Variants in TASP1 observed in about 807,000 individuals in gnomAD.
TASP1 encodes the protein taspase 1.
TASP1 carries 16 observed loss-of-function variants against 56.6 expected under a neutral mutation model. The observed-to-expected ratio is 0.28, with a 90% CI of 0.19 to 0.43. TASP1 has a LOEUF of 0.43. TASP1 is among the 20% of genes least tolerant of loss of function. The pLI is 1.00. For synonymous variants in TASP1, 179 were observed against 184.2 expected, an observed-to-expected ratio of 0.97 and a Z score of 0.23; for missense variants, 393 against 511.6, an observed-to-expected ratio of 0.77 and a Z score of 2.24.
At chr20:13,306,564 C>CAAAAAAAAAAAAAAAAAAAAGAAAAA in the TASP1 span, among the ~76,000 whole-genome samples, 4 of 63,914 alleles carry the variant, frequency 6.3e-5, no homozygotes, top group Admixed American at 2.2e-4. Flanking sequence ...GGAGAAAGGA[C>CAAAAAAAAAAAAAAAAAAAAGAAAAA]AAAAAAAAAA....
chr20:13,158,787 C>T, the TASP1 span, among the ~76,000 whole-genome samples: 1 of 152,148 alleles, frequency 6.6e-6, no homozygotes, highest in Non-Finnish European at 1.5e-5. Context: ...CATCTGATAA[C>T]CTATGTTCTA....
chr20:13,243,892 A>G, the TASP1 span, among the ~76,000 whole-genome samples: 1 of 152,162 alleles, frequency 6.6e-6, no homozygotes, highest in Admixed American at 6.5e-5. Context: ...CCTGAAATAG[A>G]TATTTGAAGG....
chr20:13,440,621 T>C (rs2146227972), intron 11 of TASP1, among the ~76,000 whole-genome samples: 1 of 151,862 alleles, frequency 6.6e-6, no homozygotes, highest in Admixed American at 6.6e-5. Flanking sequence ...CACAGTATAC[T>C]ATGTAGTTAG....
the TASP1 span, among the ~76,000 whole-genome samples, chr20:13,127,676 C>G: frequency 3.3e-5 from 5 of 152,256 alleles, no homozygotes; most frequent in African/African-American, 1.2e-4. Context: ...CATACTGATA[C>G]CCCCTGGGGC....
At chr20:13,471,075 C>G (rs548841621) in intron 11 of TASP1, among the ~76,000 whole-genome samples, 1 of 152,062 alleles carries the variant, frequency 6.6e-6, no homozygotes, top group Non-Finnish European at 1.5e-5. Flanking sequence ...AGAGTTTATG[C>G]CCTGCTTAAG....
intron 4 of TASP1, among the ~76,000 whole-genome samples, chr20:13,603,768 T>A (rs1226868991): frequency 6.6e-6 from 1 of 152,206 alleles, no homozygotes; most frequent in Non-Finnish European, 1.5e-5. Flanking sequence ...AAAATGTCTC[T>A]TATTGATCAA....
intron 13 of TASP1, among the ~76,000 whole-genome samples, chr20:13,416,415 A>C (rs2042256514): frequency 6.6e-6 from 1 of 152,206 alleles, no homozygotes; most frequent in Admixed American, 6.5e-5. Flanking sequence ...TTCACAATAT[A>C]AGTCAATCCT....
At chr20:13,361,399 C>T in the TASP1 span, among the ~76,000 whole-genome samples, 1 of 152,100 alleles carries the variant, frequency 6.6e-6, no homozygotes, top group Non-Finnish European at 1.5e-5. Context: ...TTTTCAGGCT[C>T]TTAGTTTTCA....
the TASP1 span, among the ~76,000 whole-genome samples, chr20:13,119,639 C>G: frequency 1.1e-3 from 170 of 152,282 alleles, no homozygotes; most frequent in Non-Finnish European, 2.0e-3. Context: ...CCTTTTTCCT[C>G]CCCACCTTTC....
At chr20:13,569,460 A>C in intron 7 of TASP1, 47 bp downstream of exon 7, 1 of 1,394,402 alleles carries the variant, frequency 7.2e-7, no homozygotes, top group East Asian at 2.3e-5. Flanking sequence ...ATTATACTTT[A>C]GGTATATATG....
chr20:13,445,216 A>G (rs1235700483), intron 11 of TASP1, among the ~76,000 whole-genome samples: 1 of 152,164 alleles, frequency 6.6e-6, no homozygotes, highest in East Asian at 1.9e-4. Context: ...GCAGTAATAA[A>G]CCAAACCAAA....
Position 13,535,005 on chromosome 20 carries a change from T to C in TASP1, c.676-864A>G, listed in dbSNP as rs1461838062. On this transcript the variant is annotated intron_variant, in intron 8 of 13. Coordinates refer to ENST00000337743, the MANE Select transcript of TASP1 (RefSeq NM_017714.3). ...AGGTTAATAGTAGTCATGGTGGTGT[T>C]CTTATGCTAGGGCATTGGTTTTCAA... 2.0e-5 allele frequency among the ~76,000 whole-genome samples: 3 copies of C among 152,094 alleles called. No individual in the cohort carries two copies. The East Asian group carries it at 5.8e-4, about 29-fold the overall frequency.
At chr20:13,563,720 G>A (rs1215749521) in intron 7 of TASP1, among the ~76,000 whole-genome samples, 2 of 150,216 alleles carry the variant, frequency 1.3e-5, no homozygotes, top group Admixed American at 1.3e-4. Context: ...GCCCAGGCTG[G>A]TCTTGAACTT....
chr20:13,167,643 C>T, the TASP1 span: 2 of 152,146 alleles, frequency 1.3e-5, no homozygotes, highest in Admixed American at 1.3e-4. Context: ...AGACTTATTC[C>T]TAATCTCATT....
At chr20:13,140,346 A>G in the TASP1 span, among the ~76,000 whole-genome samples, 1 of 152,278 alleles carries the variant, frequency 6.6e-6, no homozygotes, top group East Asian at 1.9e-4. Context: ...TACTTTTGGG[A>G]CCATAGACGA....
chr20:13,335,372 C>A, the TASP1 span, among the ~76,000 whole-genome samples: 84 of 149,674 alleles, frequency 5.6e-4, no homozygotes, highest in African/African-American at 2.0e-3. Context: ...AAACACACAC[C>A]CTGGCAGGAG....
chr20:13,380,022 C>G, the TASP1 span, among the ~76,000 whole-genome samples: 1 of 152,112 alleles, frequency 6.6e-6, no homozygotes, highest in Non-Finnish European at 1.5e-5. Context: ...AGAACATGCT[C>G]CTTTAGCTTG....
the TASP1 span, among the ~76,000 whole-genome samples, chr20:13,350,767 C>T: frequency 6.6e-6 from 1 of 152,118 alleles, no homozygotes; most frequent in Non-Finnish European, 1.5e-5. Flanking sequence ...TCATAGCTCA[C>T]TACAGCCTTG....
chr20:13,608,390 G>T (rs965648979), intron 4 of TASP1, among the ~76,000 whole-genome samples: 7 of 152,176 alleles, frequency 4.6e-5, no homozygotes, highest in Non-Finnish European at 1.0e-4. Flanking sequence ...GGTAGCACAG[G>T]TTAAGAGTCA....
Sources: allele counts gnomAD v4.1 joint callset (sites outside exome capture counted in the v4.1 genomes callset), GRCh38; gene constraint gnomAD v4.1.1; transcripts MANE v1.5; gene names NCBI Gene and HGNC (gene_info 2026-07-23, HGNC 2026-07-21).